The following A4GALT variants were observed in gnomAD, a reference collection of about 807,000 sequenced individuals.
A4GALT encodes lactosylceramide 4-alpha-galactosyltransferase.
For missense variants in A4GALT, 512 were observed against 486.0 expected (o/e 1.05, Z -0.50); for synonymous variants, 257 against 220.7 (o/e 1.16, Z -1.46).
chr22:42,717,749 T>TACACCCACACAC (rs1922318755), intron 1 of A4GALT, among the ~76,000 whole-genome samples: 1 of 151,960 alleles, frequency 6.6e-6, no homozygotes, highest in African/African-American at 2.4e-5. Flanking sequence ...CTCACAGACA[T>TACACCCACACAC]ACACCCACAC....
chr22:42,698,939 G>A (rs28916569), intron 1 of A4GALT, among the ~76,000 whole-genome samples: 16,324 of 152,016 alleles, frequency 0.11, 1,578 homozygotes, highest in East Asian at 0.56. Flanking sequence ...AAATGCCATC[G>A]CAACGTCAGG....
intron 1 of A4GALT, among the ~76,000 whole-genome samples, chr22:42,704,158 C>T (rs910291698): frequency 5.9e-5 from 9 of 152,124 alleles, no homozygotes; most frequent in African/African-American, 1.9e-4. Context: ...GTAAGAATGA[C>T]AGTTTTTAGG....
At chr22:42,710,368 G>A (rs537470537) in intron 1 of A4GALT, among the ~76,000 whole-genome samples, 12 of 152,200 alleles carry the variant, frequency 7.9e-5, no homozygotes, top group Admixed American at 5.2e-4. Flanking sequence ...CAACAGTCGC[G>A]ATACTCAGGG....
At chr22:42,716,213 C>T (rs980259330) in intron 1 of A4GALT, among the ~76,000 whole-genome samples, 2 of 152,188 alleles carry the variant, frequency 1.3e-5, no homozygotes, top group African/African-American at 4.8e-5. Flanking sequence ...GGCACACTTG[C>T]CTCACCACAG....
intron 1 of A4GALT, among the ~76,000 whole-genome samples, chr22:42,704,937 T>G (rs1920973896): frequency 6.6e-6 from 1 of 151,756 alleles, no homozygotes; most frequent in African/African-American, 2.4e-5. Flanking sequence ...AAAAGGCCAC[T>G]TCTAAAAGGG....
Position 42,693,494 on chromosome 22 carries a change from G to T in A4GALT, c.458C>A (p.Thr153Lys). The T allele has an allele frequency of 6.2e-7, 1 of 1,613,234 alleles. No homozygotes were observed. Among genetic ancestry groups the T allele is most frequent in the Non-Finnish European group, 8.5e-7 (1 of 1,179,982 alleles). Reference protein sequence around the residue: ...PLDLRELFRDTPLADWYAAVQ... With the variant: ...PLDLRELFRDKPLADWYAAVQ... The stretch of plus-strand genomic sequence containing the variant: ...GGCCGCGTACCAGTCGGCCAGGGGT[G>T]TGTCCCGGAACAGCTCCCGCAGGTC... Residue 153 changes from threonine to lysine, a missense_variant, in exon 3 of 3, where the codon ACA (threonine) becomes AAA (lysine). Coordinates refer to ENST00000642412, the MANE Select transcript of A4GALT (RefSeq NM_017436.7).
At chr22:42,717,321 G>A (rs758746894) in intron 1 of A4GALT, among the ~76,000 whole-genome samples, 1 of 152,102 alleles carries the variant, frequency 6.6e-6, no homozygotes, top group Non-Finnish European at 1.5e-5. Flanking sequence ...GGCCCTGCAT[G>A]GACTCACCCT....
intron 1 of A4GALT, among the ~76,000 whole-genome samples, chr22:42,696,121 C>CAAAAAAAAAAAAAAAAAA (rs1296048741): frequency 1.9e-5 from 1 of 53,910 alleles, no homozygotes; most frequent in East Asian, 9.2e-4. Flanking sequence ...GACTCTATCT[C>CAAAAAAAAAAAAAAAAAA]AAAAAAAAAA....
Position 42,693,206 on chromosome 22 carries a change from T to G in A4GALT, c.746A>C (p.Gln249Pro). 6.2e-7 allele frequency: 1 copy of G among 1,604,452 alleles called. No homozygotes were observed. The highest frequency in any genetic ancestry group is 8.5e-7 in the Non-Finnish European group (1 of 1,176,258). ...DHYNGWIWGH[Q>P]GPQLLTRVFK... ...GACCCGCGTGAGCAGCTGCGGGCCC[T>G]GGTGACCCCAGATCCAGCCGTTGTA... The change falls in exon 3 of 3, where the codon CAG (glutamine) becomes CCG (proline). Residue 249 changes from glutamine (Q) to proline (P), a missense_variant. By Grantham distance (76) the Gln-to-Pro change is moderately conservative. Coordinates refer to ENST00000642412, the MANE Select transcript of A4GALT (RefSeq NM_017436.7).
In A4GALT at chr22:42,692,965, C is replaced by T. The variant is rs9623659; in HGVS notation, c.987G>A (p.Thr329=). ...GCAGCTGGGCCAGCAGTGCCCTGGA[C>T]GTGGCCTCGAACCGCGTGCCCTGGC... The part of the protein sequence containing the change: ...KKSQGTRFEA[T]SRALLAQLHA... Residue 329 remains threonine, a synonymous_variant, in exon 3 of 3, where the codon ACG becomes ACA. Coordinates refer to ENST00000642412, the MANE Select transcript of A4GALT (RefSeq NM_017436.7). This position sits in a 1 kb window ranked among gnomAD's most constrained non-coding sequence, Gnocchi z 4.6. 581,424 of 1,612,248 alleles carry T rather than the reference C, an allele frequency of 0.36. 107,518 individuals are homozygous for T. Among genetic ancestry groups the T allele is most frequent in the African/African-American group, 0.48 (36,100 of 74,942 alleles).
Position 42,692,805 on chromosome 22 carries a change from T to A in A4GALT, c.*85A>T, listed in dbSNP as rs763735332. The A allele has an allele frequency of 2.0e-6, 3 of 1,532,478 alleles. No homozygotes were observed. In the Admixed American group the frequency reaches 5.2e-5, roughly 26 times the overall value. The allele number at this position is 1,532,478 out of a possible 1,614,324, so 94.9% of individuals were successfully genotyped here. On this transcript the variant is annotated 3_prime_UTR_variant, in exon 3 of 3. Coordinates refer to ENST00000642412, the MANE Select transcript of A4GALT (RefSeq NM_017436.7). This position sits in a 1 kb window ranked among gnomAD's most constrained non-coding sequence, Gnocchi z 4.6. The stretch of plus-strand genomic sequence containing the variant: ...CCCGGTGGCAGCTCGGGCCTCCCTC[T>A]CCCGGGCCCTCAATCTTGCCTCCCC...
At position 42,692,544 on chromosome 22, in the gene A4GALT, G is replaced by A. The variant is rs981572735; in HGVS notation, c.*346C>T. The A allele has an allele frequency of 1.8e-5, 8 of 446,216 alleles. No individual in the cohort carries two copies. Among genetic ancestry groups the A allele is most frequent in the African/African-American group, 4.0e-5 (2 of 50,560 alleles). The allele number at this position is 446,216 out of a possible 1,614,324, so 27.6% of individuals were successfully genotyped here. Reference sequence around the variant, plus strand: ...CCTTCTTCCCCATCCCCTTAGCACCGGCCTCTGCCCTCGTGGGCACCTCTG... The same window carrying A: ...CCTTCTTCCCCATCCCCTTAGCACCAGCCTCTGCCCTCGTGGGCACCTCTG... On this transcript the variant is annotated 3_prime_UTR_variant, in exon 3 of 3. Transcript: ENST00000642412. This position sits in a 1 kb window ranked among gnomAD's most constrained non-coding sequence, Gnocchi z 4.6.
chr22:42,709,181 T>A (rs1350915456), intron 1 of A4GALT, among the ~76,000 whole-genome samples: 1 of 151,172 alleles, frequency 6.6e-6, no homozygotes, highest in Non-Finnish European at 1.5e-5. Context: ...CACCTCAGCC[T>A]CCTGAGTAGC....
intron 1 of A4GALT, among the ~76,000 whole-genome samples, chr22:42,697,293 G>A (rs138871791): frequency 2.3e-4 from 35 of 152,124 alleles, no homozygotes; most frequent in African/African-American, 8.2e-4. Flanking sequence ...TGCGAAAGGT[G>A]GGGGGCAGAG....
Position 42,698,246 on chromosome 22 carries a change from C to CAAA in A4GALT, c.-187-2618_-187-2616dup, listed in dbSNP as rs11420129. Among the ~76,000 whole-genome samples, 11 of 136,076 alleles carry CAAA rather than the reference C, an allele frequency of 8.1e-5. 1 individual carries two copies. The highest frequency in any genetic ancestry group is 3.6e-4 in the Admixed American group (5 of 13,704). 89.3% of individuals were successfully genotyped at this position (136,076 alleles called of 152,430 possible). ...CTGGCAATAGAGCGAGACTCCGTCT[C>CAAA]AAAAAAAAAAAAAAAAAATCGAGAG... On this transcript the variant is annotated intron_variant, in intron 1 of 2. Coordinates refer to ENST00000642412, the MANE Select transcript of A4GALT (RefSeq NM_017436.7).
intron 2 of A4GALT, chr22:42,694,737 G>C (rs1294124513): frequency 6.6e-6 from 1 of 152,360 alleles, no homozygotes; most frequent in African/African-American, 2.4e-5. Flanking sequence ...CCGGCTGTGT[G>C]ACCTGGGGCA....
At position 42,692,296 on chromosome 22, in the gene A4GALT, G is replaced by A. The variant is rs1021322936; in HGVS notation, c.*594C>T. On this transcript the variant is annotated 3_prime_UTR_variant, in exon 3 of 3. Coordinates refer to ENST00000642412, the MANE Select transcript of A4GALT (RefSeq NM_017436.7). This position sits in a 1 kb window ranked among gnomAD's most constrained non-coding sequence, Gnocchi z 4.6. ...CCCTGGCATCTCTGGAGAGGAAGAA[G>A]GATGGGGTGGGCAGAAGGGGCTGCC... The A allele has an allele frequency of 3.2e-5, 8 of 253,522 alleles. No individual in the cohort carries two copies. The highest frequency in any genetic ancestry group is 1.4e-4 in the South Asian group (3 of 21,474). 15.7% of individuals were successfully genotyped at this position (253,522 alleles called of 1,614,324 possible). A position where few individuals can be genotyped will look rare whatever the true frequency, so the allele number is the denominator to read the frequency against.
intron 1 of A4GALT, among the ~76,000 whole-genome samples, chr22:42,698,612 A>G (rs1228914892): frequency 6.6e-6 from 1 of 152,158 alleles, no homozygotes; most frequent in Non-Finnish European, 1.5e-5. Context: ...GCCCTTGGAG[A>G]TTCCGATGTC....
chr22:42,708,589 G>GGAAA (rs1921378173), intron 1 of A4GALT, among the ~76,000 whole-genome samples: 1 of 149,916 alleles, frequency 6.7e-6, no homozygotes, highest in Non-Finnish European at 1.5e-5. Context: ...AAGGAAGGAA[G>GGAAA]GAAAAGAAAT....
Sources: allele counts gnomAD v4.1 joint callset (sites outside exome capture counted in the v4.1 genomes callset), GRCh38; gene constraint gnomAD v4.1.1; non-coding constraint Gnocchi (gnomAD v3.1); transcripts MANE v1.5; gene names NCBI Gene and HGNC (gene_info 2026-07-23, HGNC 2026-07-21).